Variants in RHCG observed in about 807,000 individuals in gnomAD.
RHCG encodes the protein Rh family C glycoprotein, also known as ammonium transporter Rh type C.
Under a neutral mutation model 55.3 loss-of-function variants are expected in RHCG, and 39 were observed. The ratio of observed to expected loss-of-function variants is 0.70; its 90% CI spans 0.55 to 0.92. The LOEUF is 0.92. Ranked by LOEUF, RHCG falls within the 40% of genes least tolerant of loss-of-function variation. The pLI is 0.00. For missense variants in RHCG, 635 were observed against 627.9 expected (o/e 1.01, Z -0.12); for synonymous variants, 250 against 246.8 (o/e 1.01, Z -0.12).
chr15:89,486,881 C>T lies in RHCG; in HGVS notation c.289G>A (p.Ala97Thr). The T allele has an allele frequency of 6.2e-7, 1 of 1,612,798 alleles. No individual in the cohort carries two copies. The highest frequency in any genetic ancestry group is 8.5e-7 in the Non-Finnish European group (1 of 1,178,942). ...AGCAGCGCCCACTGGATGCCGAAGG[C>T]TGCCAACAGGAAGTTGAAGCCCACG... ...SAVGFNFLLA[A>T]FGIQWALLMQ... is the part of the protein sequence containing the mutation. The change falls in exon 2 of 11, where the codon GCC (alanine) becomes ACC (threonine). Residue 97 changes from alanine to threonine, a missense_variant. Physicochemically the swap from Ala to Thr is moderately conservative, Grantham distance 58. Transcript: ENST00000268122.
At chr15:89,473,252 G>C (rs940645927) in intron 9 of RHCG, among the ~76,000 whole-genome samples, 45 of 152,324 alleles carry the variant, frequency 3.0e-4, no homozygotes, top group African/African-American at 1.1e-3. Flanking sequence ...GGCAGAGGCG[G>C]TAAAAGGTAG....
intron 9 of RHCG, among the ~76,000 whole-genome samples, chr15:89,475,072 TCCTGCCTTCCTGCCTG>T (rs1961118569): frequency 7.3e-6 from 1 of 136,226 alleles, no homozygotes; most frequent in African/African-American, 2.8e-5. Context: ...CTGCCTGCCT[TCCTGCCTTCCTGCCTG>T]CCTGCCTTCA....
intron 1 of RHCG, among the ~76,000 whole-genome samples, chr15:89,495,647 C>T (rs550501500): frequency 6.6e-6 from 1 of 152,154 alleles, no homozygotes; most frequent in Admixed American, 6.5e-5. Flanking sequence ...AGGATCCCAC[C>T]CCAACTCTGC....
intron 3 of RHCG, 87 bp from the exon 4 acceptor site, chr15:89,480,495 C>A: frequency 6.9e-7 from 1 of 1,445,622 alleles, no homozygotes; most frequent in Non-Finnish European, 9.5e-7. Context: ...ACACACACGC[C>A]CAGAGCTCCA....
At chr15:89,475,242 CTTT>C (rs987003991) in intron 9 of RHCG, among the ~76,000 whole-genome samples, 1 of 150,344 alleles carries the variant, frequency 6.7e-6, no homozygotes, top group South Asian at 2.1e-4. Flanking sequence ...TCTTTCCTTC[CTTT>C]TTTTTCTTCC....
chr15:89,495,646 C>T (rs1440520511), intron 1 of RHCG, among the ~76,000 whole-genome samples: 1 of 152,178 alleles, frequency 6.6e-6, no homozygotes, highest in Non-Finnish European at 1.5e-5. Flanking sequence ...AAGGATCCCA[C>T]CCCAACTCTG....
chr15:89,476,953 G>A (rs1961161659), intron 8 of RHCG, 125 bp from the exon 9 acceptor site: 1 of 1,540,426 alleles, frequency 6.5e-7, no homozygotes, highest in Non-Finnish European at 8.9e-7. Context: ...TCCCAGTCCT[G>A]TAGCCAGAAG....
Position 89,486,146 on chromosome 15 carries a change from G to C in RHCG, c.371+653C>G, listed in dbSNP as rs1961354592. On this transcript the variant is annotated intron_variant, in intron 2 of 10. Coordinates refer to ENST00000268122, the MANE Select transcript of RHCG (RefSeq NM_016321.3). The stretch of plus-strand genomic sequence containing the variant: ...AGTGACAGTAGGGTGCTCCACCCGT[G>C]GAAGCTGAGGAGGGGGCAGGGCTTC... The C allele has an allele frequency of 2.1e-4, 85 of 411,748 alleles. 3 individuals are homozygous for C. The highest frequency in any genetic ancestry group is 1.5e-3 in the South Asian group (84 of 57,300). The allele number at this position is 411,748 out of a possible 1,614,324, so 25.5% of individuals were successfully genotyped here.
chr15:89,491,376 C>G (rs182284432), intron 1 of RHCG, among the ~76,000 whole-genome samples: 1 of 152,354 alleles, frequency 6.6e-6, no homozygotes, highest in African/African-American at 2.4e-5. Flanking sequence ...AATTTGTCCT[C>G]TTGCTTCCCA....
At chr15:89,475,600 C>G (rs547926231) in intron 9 of RHCG, among the ~76,000 whole-genome samples, 2 of 152,160 alleles carry the variant, frequency 1.3e-5, no homozygotes, top group African/African-American at 2.4e-5. Context: ...TGCAGAGTCC[C>G]GGTCCCTACT....
Position 89,486,812 on chromosome 15 carries a change from C to G in RHCG, c.358G>C (p.Val120Leu). 6.3e-7 allele frequency: 1 copy of G among 1,591,074 alleles called. No homozygotes were observed. The highest frequency in any genetic ancestry group is 8.6e-7 in the Non-Finnish European group (1 of 1,163,140). Residue 120 changes from valine (V) to leucine (L), a missense_variant, in exon 2 of 11, where the codon GTG (valine) becomes CTG (leucine). Transcript: ENST00000268122. ...CCCTGCGCTCACTTCTCCACGCCCA[C>G]GACGATGTAGCGGTCTTGTAAGAAG... ...FHFLQDRYIVVGVENLINADF... is the reference protein window; with the variant it reads ...FHFLQDRYIVLGVENLINADF...
At chr15:89,481,451 G>GAAA (rs796082927) in intron 3 of RHCG, among the ~76,000 whole-genome samples, 2 of 129,890 alleles carry the variant, frequency 1.5e-5, no homozygotes, top group Non-Finnish European at 3.3e-5. Flanking sequence ...CTCCATCTCA[G>GAAA]AAAAAAAAAA....
chr15:89,484,132 G>A (rs566108327), intron 2 of RHCG, among the ~76,000 whole-genome samples: 10 of 152,316 alleles, frequency 6.6e-5, no homozygotes, highest in African/African-American at 2.4e-4. Context: ...CCCCTTCCAT[G>A]CTCAGGGCTG....
rs1567224954 is a variant in RHCG at position 89,477,563 on chromosome 15, C to T, written c.1066G>A (p.Ala356Thr). Residue 356 changes from alanine to threonine, a missense_variant, in exon 7 of 11, where the codon GCT (alanine) becomes ACT (threonine). Coordinates refer to ENST00000268122, the MANE Select transcript of RHCG (RefSeq NM_016321.3). The surrounding 1 kb of genome is among the most constrained non-coding windows in gnomAD (Gnocchi z 4.5). ...IPGIIGGIVG[A>T]VTAASASLEV... ...AGGCTGGCGGAGGCCGCTGTCACAG[C>T]ACCCACGATGCCGCCTATGATGCCA... 1 of 1,614,150 alleles carries T rather than the reference C, an allele frequency of 6.2e-7. No homozygotes were observed. Among genetic ancestry groups the T allele is most frequent in the Non-Finnish European group, 8.5e-7 (1 of 1,180,044 alleles).
chr15:89,494,560 T>G (rs1021433596), intron 1 of RHCG, among the ~76,000 whole-genome samples: 1 of 151,738 alleles, frequency 6.6e-6, no homozygotes, highest in African/African-American at 2.4e-5. Flanking sequence ...TGGGGAGATG[T>G]AAGGACTGTA....
In RHCG at chr15:89,478,028, G is replaced by A. The variant is rs1961189930; in HGVS notation, c.838-54C>T. 14 of 1,548,362 alleles carry A rather than the reference G, an allele frequency of 9.0e-6. No homozygotes were observed. The East Asian group carries it at 9.1e-5, about 10-fold the overall frequency. The stretch of plus-strand genomic sequence containing the variant: ...ACTCAGTCCTCTCCCTGGAGCACCG[G>A]GCCTGGAGGAGCTCACTTGCTGGCT... On this transcript the variant is annotated intron_variant, in intron 5 of 10. Transcript: ENST00000268122.
intron 1 of RHCG, among the ~76,000 whole-genome samples, chr15:89,494,283 C>T (rs1961527366): frequency 6.6e-6 from 1 of 152,174 alleles, no homozygotes; most frequent in South Asian, 2.1e-4. Context: ...CCACGGTGCC[C>T]CTCTCTGCTT....
At chr15:89,496,080 C>G (rs1458085317) in intron 1 of RHCG, among the ~76,000 whole-genome samples, 2 of 152,216 alleles carry the variant, frequency 1.3e-5, no homozygotes, top group Non-Finnish European at 2.9e-5. Flanking sequence ...CTTAGTATAC[C>G]AAGCAGGGCT....
chr15:89,475,862 G>A (rs537787399), intron 9 of RHCG, among the ~76,000 whole-genome samples: 10 of 152,168 alleles, frequency 6.6e-5, no homozygotes, highest in South Asian at 2.1e-4. Context: ...CGCGAAAACC[G>A]CTGCTCAAAT....
Sources: gnomAD v4.1 joint callset for allele counts (sites outside exome capture counted in the v4.1 genomes callset) on GRCh38, gnomAD v4.1.1 for gene constraint, Gnocchi (gnomAD v3.1) non-coding constraint, MANE v1.5 for transcripts, NCBI Gene and HGNC (gene_info 2026-07-23, HGNC 2026-07-21) for gene names.